Variants in SH3BP5 observed in about 807,000 individuals in gnomAD.
SH3BP5 encodes the protein SH3 domain-binding protein 5.
A neutral mutation model predicts 43.3 loss-of-function variants in SH3BP5; 22 were observed. The ratio of observed to expected loss-of-function variants is 0.51; its 90% CI spans 0.36 to 0.73. SH3BP5 has a LOEUF of 0.73. Ranked by LOEUF, SH3BP5 falls within the 30% of genes least tolerant of loss-of-function variation. The pLI, the probability that SH3BP5 is intolerant of heterozygous loss-of-function variation, is 0.00. For synonymous variants in SH3BP5, 255 were observed against 225.8 expected, an observed-to-expected ratio of 1.13 and a Z score of -1.16; for missense variants, 529 against 586.9, an observed-to-expected ratio of 0.90 and a Z score of 1.02.
chr3:15,332,151 T>A (rs148273486), intron 1 of SH3BP5, 120 bp downstream of exon 1: 2 of 1,463,870 alleles, frequency 1.4e-6, no homozygotes, highest in Non-Finnish European at 1.8e-6. Flanking sequence ...TGCCACCCTA[T>A]GTGGCCGCCA....
rs369514734 is a variant in SH3BP5 at position 15,303,771 on chromosome 3, A to G, written c.330+332T>C. On this transcript the variant is annotated intron_variant, in intron 3 of 8. Coordinates refer to ENST00000383791, the MANE Select transcript of SH3BP5 (RefSeq NM_004844.5). ...CTAAACACTCCCAAGAGTGAGGCGA[A>G]CGCGAGGCAGTAAGCGAATCTTCCT... Among the ~76,000 whole-genome samples, 10 of 152,236 alleles carry G rather than the reference A, an allele frequency of 6.6e-5. No homozygotes were observed. The South Asian group carries it at 1.9e-3, about 28-fold the overall frequency.
rs139623008 is a variant in SH3BP5 at position 15,287,173 on chromosome 3, C to T, written c.330+16930G>A. Among the ~76,000 whole-genome samples, 275 of 152,306 alleles carry T rather than the reference C, an allele frequency of 1.8e-3. 1 individual carries two copies. The highest frequency in any genetic ancestry group is 0.013 in the South Asian group (64 of 4,830). ...ACATATAAAGTGCAGAGAAAAGGCA[C>T]GCAGTAAGCAGTACAGAGTGTCAGC... is the stretch of plus-strand genomic sequence containing the variant. On this transcript the variant is annotated intron_variant, in intron 3 of 8. Coordinates refer to ENST00000383791, the MANE Select transcript of SH3BP5 (RefSeq NM_004844.5).
In SH3BP5 at chr3:15,314,316, C is replaced by G. The variant is rs954744791; in HGVS notation, c.202-10085G>C. On this transcript the variant is annotated intron_variant, in intron 2 of 8. Coordinates refer to ENST00000383791, the MANE Select transcript of SH3BP5 (RefSeq NM_004844.5). ...CACAGGCCTAGCCCTAGATCCTTTT[C>G]TGCTTTGAGAGATCCTGCCATGCTT... Among the ~76,000 whole-genome samples the G allele has an allele frequency of 3.9e-5, 6 of 152,008 alleles. No homozygotes were observed. The South Asian group carries it at 1.0e-3, about 26-fold the overall frequency.
Position 15,256,146 on chromosome 3 carries a change from TAGGG to T in SH3BP5, c.1304_1307del (p.Ser435TyrfsTer14). On this transcript the variant is annotated frameshift_variant, in exon 9 of 9. Coordinates refer to ENST00000383791, the MANE Select transcript of SH3BP5 (RefSeq NM_004844.5). LOFTEE classifies it high-confidence loss of function. The stretch of plus-strand genomic sequence containing the variant: ...TTCCATCTCTTCCCTTTGAGCACTG[TAGGG>T]AGAGCTGCTTCATCCGGTTCTCCAA... 1 of 1,614,216 alleles carries T rather than the reference TAGGG, an allele frequency of 6.2e-7. No individual in the cohort carries two copies. The highest frequency in any genetic ancestry group is 1.1e-5 in the South Asian group (1 of 91,088).
At chr3:15,293,567 G>A (rs1697474262) in intron 3 of SH3BP5, among the ~76,000 whole-genome samples, 1 of 152,212 alleles carries the variant, frequency 6.6e-6, no homozygotes, top group East Asian at 1.9e-4. Context: ...CTGCACCAAT[G>A]AGCTCAAAAA....
chr3:15,298,482 C>A (rs1398079471), intron 3 of SH3BP5, among the ~76,000 whole-genome samples: 1 of 152,228 alleles, frequency 6.6e-6, no homozygotes, highest in Non-Finnish European at 1.5e-5. Context: ...ATAATCCGCA[C>A]TATTTTGCAT....
chr3:15,309,342 T>C (rs13320800), intron 2 of SH3BP5, among the ~76,000 whole-genome samples: 64,836 of 151,922 alleles, frequency 0.43, 14,121 homozygotes, highest in Middle Eastern at 0.53. Flanking sequence ...TGTTTTCACT[T>C]GATCTTAGCC....
At chr3:15,305,471 C>T (rs191956627) in intron 2 of SH3BP5, among the ~76,000 whole-genome samples, 1 of 128,532 alleles carries the variant, frequency 7.8e-6, no homozygotes, top group African/African-American at 3.5e-5. Flanking sequence ...GGTATTACAG[C>T]CCGTTCCAGA....
chr3:15,338,456 A>C (rs1424013031), intron 1 of SH3BP5, among the ~76,000 whole-genome samples: 2 of 152,252 alleles, frequency 1.3e-5, no homozygotes, highest in Non-Finnish European at 2.9e-5. Flanking sequence ...CTCTGGTGTC[A>C]ATATCGGAAG....
intron 3 of SH3BP5, among the ~76,000 whole-genome samples, chr3:15,272,600 T>TA (rs1696842168): frequency 9.0e-6 from 1 of 111,712 alleles, no homozygotes. Flanking sequence ...GATAAAGACA[T>TA]TACAAAACAG....
chr3:15,306,200 CA>C (rs71045149), intron 2 of SH3BP5, among the ~76,000 whole-genome samples: 1 of 151,158 alleles, frequency 6.6e-6, no homozygotes, highest in Non-Finnish European at 1.5e-5. Context: ...ACTAAAAATA[CA>C]AAAAAAAATT....
intron 3 of SH3BP5, among the ~76,000 whole-genome samples, chr3:15,293,315 C>G (rs1697465982): frequency 6.6e-6 from 1 of 152,244 alleles, no homozygotes; most frequent in Non-Finnish European, 1.5e-5. Context: ...CGTCACTGAG[C>G]CAGACCTCCT....
chr3:15,302,654 C>T (rs1359031089), intron 3 of SH3BP5, among the ~76,000 whole-genome samples: 1 of 152,078 alleles, frequency 6.6e-6, no homozygotes, highest in Non-Finnish European at 1.5e-5. Context: ...GGCCCTCATT[C>T]TCTATGGGTC....
intron 3 of SH3BP5, among the ~76,000 whole-genome samples, chr3:15,286,555 CTTTTGT>C (rs1697270101): frequency 6.6e-6 from 1 of 152,096 alleles, no homozygotes; most frequent in Admixed American, 6.6e-5. Context: ...TTTTTTATTT[CTTTTGT>C]TTTTGAGACA....
chr3:15,261,319 G>T (rs1696429030), intron 5 of SH3BP5, among the ~76,000 whole-genome samples: 1 of 152,230 alleles, frequency 6.6e-6, no homozygotes, highest in South Asian at 2.1e-4. Context: ...AGTCAAGCCT[G>T]GGTGAAGGTA....
chr3:15,303,311 G>C (rs372197470), intron 3 of SH3BP5, among the ~76,000 whole-genome samples: 7 of 152,310 alleles, frequency 4.6e-5, no homozygotes, highest in African/African-American at 1.4e-4. Context: ...CTCTCTAATC[G>C]GGAAGCCGAA....
At chr3:15,329,601 A>G (rs2125146908) in intron 2 of SH3BP5, among the ~76,000 whole-genome samples, 1 of 152,328 alleles carries the variant, frequency 6.6e-6, no homozygotes, top group Admixed American at 6.5e-5. Flanking sequence ...GAATCCTGGT[A>G]GATTATATTC....
chr3:15,310,168 C>G (rs958195251), intron 2 of SH3BP5, among the ~76,000 whole-genome samples: 4 of 152,186 alleles, frequency 2.6e-5, no homozygotes, highest in Non-Finnish European at 4.4e-5. Context: ...CATGACCCAT[C>G]ATAACCAATG....
chr3:15,259,746 CA>C lies in SH3BP5; in HGVS notation c.669+14del, dbSNP rs1190165403. On this transcript the variant is annotated intron_variant, in intron 6 of 8. Transcript: ENST00000383791. ...GAAAAATCTCATCAGTGACGAAGCC[CA>C]AAGCTACACATACCTCGAGCTGCAC... The C allele has an allele frequency of 6.2e-7, 1 of 1,613,654 alleles. No homozygotes were observed. Among genetic ancestry groups the C allele is most frequent in the East Asian group, 2.2e-5 (1 of 44,902 alleles).
Sources: allele counts gnomAD v4.1 joint callset (sites outside exome capture counted in the v4.1 genomes callset), GRCh38; gene constraint gnomAD v4.1.1; transcripts MANE v1.5; gene names NCBI Gene and HGNC (gene_info 2026-07-23, HGNC 2026-07-21).